GFRA1: variants seen among roughly 807,000 people sequenced by gnomAD.
GFRA1 encodes GDNF family receptor alpha-1.
A neutral mutation model predicts 51.6 loss-of-function variants in GFRA1; 16 were observed. That is an observed-to-expected ratio of 0.31 (90% CI 0.21 to 0.47). GFRA1 has a LOEUF of 0.47. Among genes scored for constraint, GFRA1 ranks in the 20% least tolerant of loss-of-function variants. The probability of loss-of-function intolerance (pLI) is 1.00; values close to 1 mark genes in which losing one functional copy is unlikely to be tolerated. For missense variants in GFRA1, 530 were observed against 594.3 expected, an observed-to-expected ratio of 0.89 and a Z score of 1.13; for synonymous variants, 270 against 241.3, an observed-to-expected ratio of 1.12 and a Z score of -1.10.
rs1406909599 is a variant in GFRA1, at chr10:116,269,546, G to C, written c.375C>G (p.Asn125Lys). 6.2e-7 allele frequency: 1 copy of C among 1,608,648 alleles called. No homozygotes were observed. The highest frequency in any genetic ancestry group is 8.5e-7 in the Non-Finnish European group (1 of 1,175,132). The change falls in exon 4 of 11, where the codon AAC becomes AAG. Residue 125 changes from asparagine (N) to lysine (K), a missense_variant. Coordinates refer to ENST00000355422, the MANE Select transcript of GFRA1 (RefSeq NM_005264.8). ...LLEDSPYEPV[N>K]SRLSDIFRVV... ...CCCGGAATATATCTGACAATCTGCT[G>C]TTAACTGGTTCATATGGGGAATCCT...
intron 4 of GFRA1, among the ~76,000 whole-genome samples, chr10:116,256,373 C>T (rs80032385): frequency 0.012 from 1,808 of 152,258 alleles, 36 homozygotes; most frequent in African/African-American, 0.042. Flanking sequence ...ACAGAGGGTC[C>T]ACCCGGTAGG....
intron 5 of GFRA1, among the ~76,000 whole-genome samples, chr10:116,196,551 T>G (rs10885874): frequency 9.6e-6 from 1 of 104,454 alleles, no homozygotes; most frequent in African/African-American, 3.5e-5. Flanking sequence ...ATATATATTT[T>G]TATATATACT....
At chr10:116,074,532 G>A (rs910609469) in intron 9 of GFRA1, among the ~76,000 whole-genome samples, 1 of 152,148 alleles carries the variant, frequency 6.6e-6, no homozygotes, top group Non-Finnish European at 1.5e-5. Flanking sequence ...TGCAGCTTCT[G>A]TAGGAAGTCA....
intron 6 of GFRA1, among the ~76,000 whole-genome samples, chr10:116,116,007 C>T (rs961141068): frequency 2.6e-5 from 4 of 152,158 alleles, no homozygotes; most frequent in South Asian, 2.1e-4. Flanking sequence ...CCTTTGAGTA[C>T]CCCCGCCCAC....
intron 9 of GFRA1, among the ~76,000 whole-genome samples, chr10:116,078,607 G>A (rs1180988897): frequency 6.6e-6 from 1 of 152,196 alleles, no homozygotes; most frequent in African/African-American, 2.4e-5. Context: ...TCCTCCTAGA[G>A]TGGGGAAATA....
chr10:116,106,364 T>C (rs911580745), intron 6 of GFRA1, among the ~76,000 whole-genome samples: 9 of 152,252 alleles, frequency 5.9e-5, no homozygotes, highest in African/African-American at 2.2e-4. Context: ...GAACATGTAC[T>C]AGGACTTAAA....
intron 5 of GFRA1, among the ~76,000 whole-genome samples, chr10:116,209,182 A>G (rs1965008100): frequency 6.6e-6 from 1 of 152,240 alleles, no homozygotes; most frequent in Admixed American, 6.5e-5. Flanking sequence ...TCTCACGTGC[A>G]CATGCCACAG....
intron 4 of GFRA1, among the ~76,000 whole-genome samples, chr10:116,263,828 A>G (rs1465436677): frequency 6.6e-6 from 1 of 152,236 alleles, no homozygotes; most frequent in Non-Finnish European, 1.5e-5. Flanking sequence ...GGAGGGGAGC[A>G]TTCAAAAGAC....
At chr10:116,121,380 G>A (rs1302190177) in intron 6 of GFRA1, among the ~76,000 whole-genome samples, 1 of 152,178 alleles carries the variant, frequency 6.6e-6, no homozygotes, top group African/African-American at 2.4e-5. Context: ...CAAGCTTGGA[G>A]GCCCAAACAG....
At chr10:116,138,634 A>ACC (rs1958431106) in intron 5 of GFRA1, among the ~76,000 whole-genome samples, 1 of 136,188 alleles carries the variant, frequency 7.3e-6, no homozygotes, top group African/African-American at 2.8e-5. Context: ...AGATGGTAGG[A>ACC]ACCCCCCCCC....
chr10:116,269,105 G>A (rs919238944), intron 4 of GFRA1, among the ~76,000 whole-genome samples: 1 of 152,140 alleles, frequency 6.6e-6, no homozygotes, highest in Admixed American at 6.5e-5. Context: ...TGTAAAGTAA[G>A]TGGCATAATC....
At chr10:116,113,592 G>A (rs191529074) in intron 6 of GFRA1, among the ~76,000 whole-genome samples, 54 of 152,204 alleles carry the variant, frequency 3.5e-4, no homozygotes, top group African/African-American at 1.2e-3. Context: ...TGGAAGTTCT[G>A]TGGGTGGTTT....
At chr10:116,121,928 G>A (rs1957663260) in intron 6 of GFRA1, among the ~76,000 whole-genome samples, 1 of 152,146 alleles carries the variant, frequency 6.6e-6, no homozygotes, top group Admixed American at 6.5e-5. Flanking sequence ...TAAAATTAAA[G>A]ACAAGAGTAA....
At chr10:116,090,424 AGTTTC>A (rs1956282689) in intron 8 of GFRA1, among the ~76,000 whole-genome samples, 2 of 121,012 alleles carry the variant, frequency 1.7e-5, no homozygotes, top group African/African-American at 5.7e-5. Context: ...AAATGGAACC[AGTTTC>A]TTTAAAAAAA....
chr10:116,100,210 T>C (rs571266628), intron 6 of GFRA1, among the ~76,000 whole-genome samples: 1 of 152,326 alleles, frequency 6.6e-6, no homozygotes, highest in Admixed American at 6.5e-5. Context: ...AAGACCTGCA[T>C]AACAACTACG....
chr10:116,265,894 A>G (rs1398928238), intron 4 of GFRA1, among the ~76,000 whole-genome samples: 1 of 152,052 alleles, frequency 6.6e-6, no homozygotes, highest in Admixed American at 6.6e-5. Flanking sequence ...TCAAGCCCTT[A>G]ATTGTGCCCC....
chr10:116,173,082 G>A (rs1961203317), intron 5 of GFRA1, among the ~76,000 whole-genome samples: 1 of 152,216 alleles, frequency 6.6e-6, no homozygotes, highest in Non-Finnish European at 1.5e-5. Flanking sequence ...TATATTCTAT[G>A]TGCCTGGTAT....
chr10:116,210,416 G>C (rs2245070), intron 5 of GFRA1, among the ~76,000 whole-genome samples: 95,579 of 151,980 alleles, frequency 0.63, 31,842 homozygotes, highest in African/African-American at 0.87. Context: ...CCCAGTTTGT[G>C]AAGGAAGAAA....
chr10:116,169,215 C>T (rs1039126173), intron 5 of GFRA1, among the ~76,000 whole-genome samples: 1 of 152,240 alleles, frequency 6.6e-6, no homozygotes, highest in Non-Finnish European at 1.5e-5. Context: ...TCAAGATCCC[C>T]TGACTTGATG....
Sources: allele counts gnomAD v4.1 joint callset (sites outside exome capture counted in the v4.1 genomes callset), GRCh38; gene constraint gnomAD v4.1.1; transcripts MANE v1.5; gene names NCBI Gene and HGNC (gene_info 2026-07-23, HGNC 2026-07-21).